Variants in FNIP2 observed in about 807,000 individuals in gnomAD.
The protein encoded by FNIP2 is folliculin-interacting protein 2.
In FNIP2, 32 loss-of-function variants were observed where a neutral mutation model predicts 108.7. The observed-to-expected ratio is 0.29, with a 90% CI of 0.22 to 0.40. The LOEUF is 0.40. FNIP2 is among the 10% of genes least tolerant of loss of function. The pLI, the probability that FNIP2 is intolerant of heterozygous loss-of-function variation, is 1.00. For missense variants in FNIP2, 1,202 were observed against 1,381.6 expected, an observed-to-expected ratio of 0.87 and a Z score of 2.06; for synonymous variants, 480 against 496.7, an observed-to-expected ratio of 0.97 and a Z score of 0.45.
At chr4:158,770,007 C>A (rs1167142588) in intron 1 of FNIP2, among the ~76,000 whole-genome samples, 2 of 152,170 alleles carry the variant, frequency 1.3e-5, no homozygotes. Context: ...AGCTTACTAC[C>A]TAAAATGCTT....
chr4:158,857,243 A>G (rs1026247460), intron 8 of FNIP2, among the ~76,000 whole-genome samples: 9 of 152,352 alleles, frequency 5.9e-5, no homozygotes, highest in Admixed American at 5.9e-4. Flanking sequence ...GAAATGTAAG[A>G]TGACAGACAA....
At chr4:158,814,823 G>A (rs1360107191) in intron 1 of FNIP2, among the ~76,000 whole-genome samples, 1 of 152,164 alleles carries the variant, frequency 6.6e-6, no homozygotes, top group Non-Finnish European at 1.5e-5. Flanking sequence ...ATTCATTAAG[G>A]TGGTTTCCCT....
At chr4:158,792,861 C>T (rs1776466283) in intron 1 of FNIP2, among the ~76,000 whole-genome samples, 1 of 152,032 alleles carries the variant, frequency 6.6e-6, no homozygotes, top group African/African-American at 2.4e-5. Context: ...TTTTGGAGGC[C>T]AGTCTGATTG....
intron 1 of FNIP2, among the ~76,000 whole-genome samples, chr4:158,771,117 C>CT (rs976786102): frequency 1.6e-4 from 25 of 151,950 alleles, no homozygotes; most frequent in South Asian, 4.1e-4. Context: ...CAAGTACGGT[C>CT]TTTTTTTTGA....
chr4:158,828,151 A>G (rs1040508541), intron 2 of FNIP2, among the ~76,000 whole-genome samples: 1 of 152,322 alleles, frequency 6.6e-6, no homozygotes. Context: ...TAGGGAATGT[A>G]TAGTAGAGCA....
chr4:158,796,368 A>T (rs1242429690), intron 1 of FNIP2, among the ~76,000 whole-genome samples: 1 of 151,676 alleles, frequency 6.6e-6, no homozygotes, highest in African/African-American at 2.4e-5. Context: ...TGTTCCACAG[A>T]TATAATTTTC....
At chr4:158,834,929 A>G (rs374175621) in intron 6 of FNIP2, 2 of 155,466 alleles carry the variant, frequency 1.3e-5, no homozygotes, top group East Asian at 3.8e-4. Flanking sequence ...GGTTATAAAC[A>G]GAGAAACATT....
chr4:158,891,326 C>G lies in FNIP2; in HGVS notation c.2950-120C>G, dbSNP rs1294025951. 51 of 856,458 alleles carry G rather than the reference C, an allele frequency of 6.0e-5. No homozygotes were observed. The South Asian group carries it at 6.0e-4, about 10-fold the overall frequency. The allele number at this position is 856,458 out of a possible 1,614,324, so 53.1% of individuals were successfully genotyped here. A position where few individuals can be genotyped will look rare whatever the true frequency, so the allele number is the denominator to read the frequency against. On this transcript the variant is annotated intron_variant, in intron 14 of 16. Coordinates refer to ENST00000264433, the MANE Select transcript of FNIP2 (RefSeq NM_020840.3). Reference sequence around the variant, plus strand: ...TAATTTACCAGTTGTTAAATCTGCTCTATCCATAACTGCCTGGCTGTCAAG... The same window carrying G: ...TAATTTACCAGTTGTTAAATCTGCTGTATCCATAACTGCCTGGCTGTCAAG...
At chr4:158,901,660 C>T (rs1041378580) in intron 16 of FNIP2, among the ~76,000 whole-genome samples, 2 of 152,006 alleles carry the variant, frequency 1.3e-5, no homozygotes, top group Non-Finnish European at 2.9e-5. Flanking sequence ...CACATAGTCT[C>T]ATATTTCTTG....
intron 1 of FNIP2, among the ~76,000 whole-genome samples, chr4:158,803,797 A>G (rs908857405): frequency 3.3e-5 from 5 of 152,188 alleles, no homozygotes; most frequent in Non-Finnish European, 7.4e-5. Context: ...AAAAGCCTCT[A>G]TGGGAGCTTT....
At chr4:158,839,214 A>G (rs1778980443) in intron 7 of FNIP2, among the ~76,000 whole-genome samples, 2 of 152,204 alleles carry the variant, frequency 1.3e-5, no homozygotes, top group South Asian at 4.1e-4. Flanking sequence ...CCTTGAGGAC[A>G]GAGTACCTAC....
chr4:158,842,654 C>G (rs1321156645), intron 7 of FNIP2, among the ~76,000 whole-genome samples: 3 of 152,030 alleles, frequency 2.0e-5, no homozygotes, highest in Non-Finnish European at 2.9e-5. Flanking sequence ...TACAACATAT[C>G]CACGTAACAA....
Position 158,868,066 on chromosome 4 carries a change from G to C in FNIP2, c.1466-36G>C. 1 of 1,603,816 alleles carries C rather than the reference G, an allele frequency of 6.2e-7. No individual in the cohort carries two copies. ...ATATATCTGTGACATGCTAACCCCA[G>C]AGACCACTGCCTTTGTGTCCACCTT... On this transcript the variant is annotated intron_variant, in intron 12 of 16. Transcript: ENST00000264433. The surrounding 1 kb of genome is among the most constrained non-coding windows in gnomAD (Gnocchi z 4.6).
chr4:158,871,149 TTAA>T (rs1395864059), intron 14 of FNIP2, among the ~76,000 whole-genome samples: 1 of 152,228 alleles, frequency 6.6e-6, no homozygotes, highest in Non-Finnish European at 1.5e-5. Flanking sequence ...TGTATAAAGA[TTAA>T]TAAGTCTCAC....
intron 1 of FNIP2, among the ~76,000 whole-genome samples, chr4:158,799,158 G>T (rs1310680389): frequency 6.6e-6 from 1 of 152,212 alleles, no homozygotes; most frequent in Non-Finnish European, 1.5e-5. Context: ...GTGAGCTGCT[G>T]CTTCTCAATA....
chr4:158,777,644 A>G (rs1181619168), intron 1 of FNIP2, among the ~76,000 whole-genome samples: 1 of 152,200 alleles, frequency 6.6e-6, no homozygotes, highest in East Asian at 1.9e-4. Flanking sequence ...GGCCGGAACT[A>G]CTGGCCCTGC....
intron 1 of FNIP2, among the ~76,000 whole-genome samples, chr4:158,797,202 T>A (rs1776617800): frequency 6.6e-6 from 1 of 152,186 alleles, no homozygotes; most frequent in Non-Finnish European, 1.5e-5. Context: ...TATAGCTATA[T>A]TTTGGGTAGG....
At chr4:158,822,413 G>A (rs1295113736) in intron 1 of FNIP2, among the ~76,000 whole-genome samples, 9 of 152,066 alleles carry the variant, frequency 5.9e-5, no homozygotes, top group South Asian at 4.2e-4. Flanking sequence ...GGGCTCAAGC[G>A]ATCAGCCGGC....
intron 3 of FNIP2, 81 bp from the exon 4 acceptor site, chr4:158,831,780 C>T (rs1194205220): frequency 7.9e-6 from 7 of 883,192 alleles, no homozygotes; most frequent in East Asian, 2.6e-5. Flanking sequence ...ATGACACTAA[C>T]GAGATTAATA....
Sources: gnomAD v4.1 joint callset for allele counts (sites outside exome capture counted in the v4.1 genomes callset) on GRCh38, gnomAD v4.1.1 for gene constraint, Gnocchi (gnomAD v3.1) non-coding constraint, MANE v1.5 for transcripts, NCBI Gene and HGNC (gene_info 2026-07-23, HGNC 2026-07-21) for gene names.